WLS: variants seen among roughly 807,000 people sequenced by gnomAD.
The protein encoded by WLS is Wnt ligand secretion mediator, also known as protein wntless homolog.
In WLS, 23 loss-of-function variants were observed where a neutral mutation model predicts 62.8. The observed-to-expected ratio is 0.37, with a 90% CI of 0.26 to 0.52. WLS has a LOEUF of 0.52. Among genes scored for constraint, WLS ranks in the 20% least tolerant of loss-of-function variants. The pLI, the probability that WLS is intolerant of heterozygous loss-of-function variation, is 0.92. For synonymous variants in WLS, 246 were observed against 244.1 expected (o/e 1.01, Z -0.07); for missense variants, 615 against 697.3 (o/e 0.88, Z 1.33).
At chr1:68,216,729 GGCAGCA>G (rs1426120447) in intron 1 of WLS, among the ~76,000 whole-genome samples, 1 of 152,146 alleles carries the variant, frequency 6.6e-6, no homozygotes, top group Non-Finnish European at 1.5e-5. Context: ...GATGGAAAAA[GGCAGCA>G]GCATGAACAA....
intron 3 of WLS, among the ~76,000 whole-genome samples, chr1:68,158,615 A>C (rs1463090420): frequency 6.6e-6 from 1 of 152,108 alleles, no homozygotes; most frequent in African/African-American, 2.4e-5. Flanking sequence ...TCACAAAAAG[A>C]AATTATAATG....
intron 4 of WLS, 91 bp from the exon 5 acceptor site, chr1:68,153,744 G>A (rs1646858508): frequency 6.5e-7 from 1 of 1,541,836 alleles, no homozygotes; most frequent in Non-Finnish European, 8.9e-7. Context: ...GGTAAGTGGA[G>A]ACCTCGTCTG....
At chr1:68,191,132 A>ATAATAT (rs1648278728) in intron 2 of WLS, among the ~76,000 whole-genome samples, 1 of 151,518 alleles carries the variant, frequency 6.6e-6, no homozygotes, top group East Asian at 1.9e-4. Flanking sequence ...AGCATTATTA[A>ATAATAT]TACAGTCAGT....
chr1:68,140,040 A>G (rs1570874068), intron 10 of WLS, among the ~76,000 whole-genome samples: 1 of 152,260 alleles, frequency 6.6e-6, no homozygotes, highest in East Asian at 1.9e-4. Context: ...TATTCATAAC[A>G]AGGATAAGCA....
At chr1:68,113,286 C>T (rs1174406725) in intron 11 of WLS, among the ~76,000 whole-genome samples, 2 of 152,068 alleles carry the variant, frequency 1.3e-5, no homozygotes, top group Non-Finnish European at 2.9e-5. Flanking sequence ...ATGCAAAGGA[C>T]CTTTGGTGAG....
chr1:68,226,471 CATTTTATT>C (rs1650146168), intron 1 of WLS, among the ~76,000 whole-genome samples: 1 of 152,120 alleles, frequency 6.6e-6, no homozygotes, highest in Non-Finnish European at 1.5e-5. Context: ...AACATTTTAT[CATTTTATT>C]AATATATCTA....
chr1:68,209,608 G>A (rs560017486), intron 1 of WLS, among the ~76,000 whole-genome samples: 3 of 152,142 alleles, frequency 2.0e-5, no homozygotes, highest in East Asian at 1.9e-4. Context: ...GAGAAAACCC[G>A]TCTCTACTAA....
At chr1:68,180,345 T>C (rs867982382) in intron 2 of WLS, among the ~76,000 whole-genome samples, 3 of 152,098 alleles carry the variant, frequency 2.0e-5, no homozygotes, top group African/African-American at 7.2e-5. Context: ...AGGCATAATC[T>C]TGCTTGTTAG....
chr1:68,228,054 C>T (rs2100673225), intron 1 of WLS, among the ~76,000 whole-genome samples: 1 of 152,250 alleles, frequency 6.6e-6, no homozygotes, highest in Non-Finnish European at 1.5e-5. Flanking sequence ...ATAATCCATG[C>T]ACAATTTGAG....
chr1:68,167,562 C>T (rs1011639738), intron 2 of WLS, among the ~76,000 whole-genome samples: 2 of 152,104 alleles, frequency 1.3e-5, no homozygotes, highest in African/African-American at 4.8e-5. Flanking sequence ...CTACATTTGG[C>T]ACTATATTAG....
chr1:68,218,009 C>A (rs1160747084), intron 1 of WLS, among the ~76,000 whole-genome samples: 1 of 152,094 alleles, frequency 6.6e-6, no homozygotes, highest in East Asian at 1.9e-4. Flanking sequence ...AATGGCTCAA[C>A]CACAATCTTG....
chr1:68,106,227 T>C (rs755103533), intron 11 of WLS, among the ~76,000 whole-genome samples: 2 of 152,108 alleles, frequency 1.3e-5, no homozygotes, highest in Non-Finnish European at 2.9e-5. Context: ...GAGCCATTCA[T>C]AAAGAAATAA....
At chr1:68,216,535 T>C (rs1418491447) in intron 1 of WLS, among the ~76,000 whole-genome samples, 1 of 152,210 alleles carries the variant, frequency 6.6e-6, no homozygotes, top group Non-Finnish European at 1.5e-5. Flanking sequence ...TCCTTTTCCC[T>C]GCAGTCATTT....
chr1:68,209,297 T>C (rs571785406), intron 1 of WLS, among the ~76,000 whole-genome samples: 1 of 152,294 alleles, frequency 6.6e-6, no homozygotes, highest in African/African-American at 2.4e-5. Context: ...AACACTTCAT[T>C]TTCAGAGTTT....
chr1:68,130,423 G>A (rs768753636), intron 11 of WLS, among the ~76,000 whole-genome samples: 4 of 152,092 alleles, frequency 2.6e-5, no homozygotes, highest in African/African-American at 9.7e-5. Context: ...AATGTGTGCC[G>A]GAGCCAAGAT....
At chr1:68,190,988 G>A (rs1239160317) in intron 2 of WLS, among the ~76,000 whole-genome samples, 1 of 151,402 alleles carries the variant, frequency 6.6e-6, no homozygotes, top group Non-Finnish European at 1.5e-5. Flanking sequence ...ATCACGGGAG[G>A]TGGAGGTTGT....
chr1:68,198,540 A>G (rs1648808433), intron 1 of WLS, among the ~76,000 whole-genome samples: 1 of 152,158 alleles, frequency 6.6e-6, no homozygotes, highest in Non-Finnish European at 1.5e-5. Context: ...GTCTCTATGA[A>G]AATTCAGTGG....
At chr1:68,229,905 T>C (rs955617984) in intron 1 of WLS, among the ~76,000 whole-genome samples, 67 of 152,314 alleles carry the variant, frequency 4.4e-4, no homozygotes, top group African/African-American at 1.6e-3. Flanking sequence ...AAGCAGTTTA[T>C]TAATTGAGGG....
intron 1 of WLS, among the ~76,000 whole-genome samples, chr1:68,209,019 T>C (rs1250332734): frequency 2.6e-5 from 4 of 152,196 alleles, no homozygotes; most frequent in Admixed American, 6.5e-5. Context: ...TTTGCACTAA[T>C]GGCATTTTGG....
Sources: allele counts gnomAD v4.1 joint callset (sites outside exome capture counted in the v4.1 genomes callset), GRCh38; gene constraint gnomAD v4.1.1; transcripts MANE v1.5; gene names NCBI Gene and HGNC (gene_info 2026-07-23, HGNC 2026-07-21).